RHOA: variants seen among roughly 807,000 people sequenced by gnomAD.
The protein encoded by RHOA is transforming protein RhoA.
A neutral mutation model predicts 17.5 loss-of-function variants in RHOA; 3 were observed. The ratio of observed to expected loss-of-function variants is 0.17; its 90% CI spans 0.08 to 0.44. The LOEUF (loss-of-function observed/expected upper bound fraction) is 0.44, where lower values mean the gene tolerates loss of function less well. RHOA is among the 20% of genes least tolerant of loss of function. The pLI is 0.99. For synonymous variants in RHOA, 98 were observed against 88.4 expected, an observed-to-expected ratio of 1.11 and a Z score of -0.61; for missense variants, 56 against 242.3, an observed-to-expected ratio of 0.23 and a Z score of 5.10.
chr3:49,404,028 A>C (rs1045792098), intron 1 of RHOA, among the ~76,000 whole-genome samples: 4 of 140,470 alleles, frequency 2.8e-5, no homozygotes, highest in Non-Finnish European at 1.6e-5. Context: ...AGCTGGACTC[A>C]GTGGCTCATG....
intron 3 of RHOA, chr3:49,365,129 C>A (rs965147005): frequency 6.6e-6 from 1 of 150,952 alleles, no homozygotes; most frequent in Non-Finnish European, 1.5e-5. Context: ...TGTCTTCCCT[C>A]ATCTAGAACA....
At chr3:49,383,938 G>A (rs971611608) in intron 1 of RHOA, among the ~76,000 whole-genome samples, 2 of 152,144 alleles carry the variant, frequency 1.3e-5, no homozygotes, top group Non-Finnish European at 2.9e-5. Context: ...GCTGAGGCAC[G>A]AGAATCACTT....
chr3:49,376,629 T>A (rs9847585), intron 1 of RHOA, among the ~76,000 whole-genome samples: 4 of 134,296 alleles, frequency 3.0e-5, no homozygotes, highest in Admixed American at 7.8e-5. Context: ...GGGGACAGAG[T>A]AAGACTCCAT....
chr3:49,391,335 T>C (rs2048502378), intron 1 of RHOA, among the ~76,000 whole-genome samples: 1 of 149,428 alleles, frequency 6.7e-6, no homozygotes, highest in African/African-American at 2.5e-5. Context: ...GAGGCTGCAG[T>C]GAGCCAAGAT....
chr3:49,409,838 T>TA (rs1235865835), intron 1 of RHOA, among the ~76,000 whole-genome samples: 5 of 152,194 alleles, frequency 3.3e-5, no homozygotes, highest in African/African-American at 1.2e-4. Flanking sequence ...ATACACGCAG[T>TA]ACCCCAAATC....
chr3:49,403,901 C>T (rs2048768237), intron 1 of RHOA, among the ~76,000 whole-genome samples: 1 of 151,912 alleles, frequency 6.6e-6, no homozygotes, highest in African/African-American at 2.4e-5. Context: ...GTACCAGGAA[C>T]CAAGTAGTAA....
At chr3:49,411,405 A>G (rs2048932824) in intron 1 of RHOA, among the ~76,000 whole-genome samples, 1 of 152,278 alleles carries the variant, frequency 6.6e-6, no homozygotes, top group African/African-American at 2.4e-5. Context: ...GGAGTTGTAA[A>G]GAGTTTCTTT....
chr3:49,398,311 C>A (rs2048653320), intron 1 of RHOA, among the ~76,000 whole-genome samples: 1 of 151,700 alleles, frequency 6.6e-6, no homozygotes, highest in South Asian at 2.1e-4. Context: ...TGAGATCGCA[C>A]CACTGCACTC....
At chr3:49,400,977 C>A (rs2048713817) in intron 1 of RHOA, among the ~76,000 whole-genome samples, 2 of 130,356 alleles carry the variant, frequency 1.5e-5, no homozygotes. Flanking sequence ...ACCCGGGAGG[C>A]AGAACTTGCA....
rs186302508 is a variant in RHOA, at chr3:49,381,883, A to C, written c.-2-6292T>G. 1.9e-3 allele frequency among the ~76,000 whole-genome samples: 292 copies of C among 151,008 alleles called. 1 individual carries two copies. Among genetic ancestry groups the C allele is most frequent in the Admixed American group, 3.7e-3 (56 of 15,156 alleles). On this transcript the variant is annotated intron_variant, in intron 1 of 4. Coordinates refer to ENST00000418115, the MANE Select transcript of RHOA (RefSeq NM_001664.4). ...TTCGTCTCAAAAAAAAAAAAGACAGAGAGTGAAGTTCCCCAGTTAGAGTCA... is the reference window on the plus strand; with the variant it reads ...TTCGTCTCAAAAAAAAAAAAGACAGCGAGTGAAGTTCCCCAGTTAGAGTCA...
Position 49,360,401 on chromosome 3 carries a change from T to A in RHOA, c.409-19A>T, listed in dbSNP as rs2047944638. On this transcript the variant is annotated intron_variant, in intron 4 of 4. Transcript: ENST00000418115. ...CCGGCTCCTAGCAAAGAAAAAAAAA[T>A]AGTCCTTTTAGCTAATAGTGTGGCA... The A allele has an allele frequency of 6.3e-7, 1 of 1,598,786 alleles. No homozygotes were observed. Among genetic ancestry groups the A allele is most frequent in the Non-Finnish European group, 8.5e-7 (1 of 1,173,650 alleles).
At chr3:49,369,449 G>A (rs1276397294) in intron 2 of RHOA, among the ~76,000 whole-genome samples, 1 of 151,974 alleles carries the variant, frequency 6.6e-6, no homozygotes, top group East Asian at 1.9e-4. Context: ...TTAGCTGAGT[G>A]TGGCCAGGCG....
chr3:49,376,347 T>C (rs947866525), intron 1 of RHOA, among the ~76,000 whole-genome samples: 2 of 151,722 alleles, frequency 1.3e-5, no homozygotes, highest in African/African-American at 4.8e-5. Flanking sequence ...AATATTAACA[T>C]TAAAAAATCA....
chr3:49,397,748 G>A (rs919991496), intron 1 of RHOA, among the ~76,000 whole-genome samples: 30 of 152,096 alleles, frequency 2.0e-4, no homozygotes, highest in African/African-American at 7.2e-4. Context: ...ACGAGATTTC[G>A]CTTGCAAGTG....
At chr3:49,406,715 T>G (rs1256579878) in intron 1 of RHOA, 1 of 151,026 alleles carries the variant, frequency 6.6e-6, no homozygotes, top group Non-Finnish European at 1.5e-5. Flanking sequence ...GACTCACATC[T>G]TTAATCCCAG....
At chr3:49,393,112 G>A (rs1341560096) in intron 1 of RHOA, among the ~76,000 whole-genome samples, 6 of 152,054 alleles carry the variant, frequency 3.9e-5, no homozygotes, top group Non-Finnish European at 8.8e-5. Flanking sequence ...GGAGGCGGAG[G>A]CTGCAGTGAG....
intron 1 of RHOA, among the ~76,000 whole-genome samples, chr3:49,377,495 A>AG (rs2048247367): frequency 6.6e-6 from 1 of 151,962 alleles, no homozygotes; most frequent in Non-Finnish European, 1.5e-5. Flanking sequence ...TGGGAGGCTC[A>AG]GGTGGGATAA....
chr3:49,383,011 G>A (rs1311214631), intron 1 of RHOA, among the ~76,000 whole-genome samples: 3 of 151,256 alleles, frequency 2.0e-5, no homozygotes, highest in Non-Finnish European at 4.4e-5. Context: ...CCGAGTTAGC[G>A]CCATTGCACT....
At chr3:49,364,661 AAAATAAATAAAT>A (rs549389235) in intron 3 of RHOA, among the ~76,000 whole-genome samples, 2 of 152,110 alleles carry the variant, frequency 1.3e-5, no homozygotes, top group Admixed American at 6.6e-5. Context: ...ACTCCGTCTC[AAAATAAATAAAT>A]AAATAAATAA....
Sources: allele counts gnomAD v4.1 joint callset (sites outside exome capture counted in the v4.1 genomes callset), GRCh38; gene constraint gnomAD v4.1.1; transcripts MANE v1.5; gene names NCBI Gene and HGNC (gene_info 2026-07-23, HGNC 2026-07-21).